The following BMF variants were observed in gnomAD, a reference collection of about 807,000 sequenced individuals.
BMF encodes the protein Bcl2 modifying factor, also known as bcl-2-modifying factor.
A neutral mutation model predicts 22.0 loss-of-function variants in BMF; 10 were observed. The observed-to-expected ratio is 0.45, with a 90% confidence interval of 0.28 to 0.77. The LOEUF (loss-of-function observed/expected upper bound fraction) is 0.77, where lower values mean the gene tolerates loss of function less well. BMF is among the 30% of genes least tolerant of loss of function. The pLI, the probability that BMF is intolerant of heterozygous loss-of-function variation, is 0.13. For synonymous variants in BMF, 87 were observed against 88.1 expected, an observed-to-expected ratio of 0.99 and a Z score of 0.07; for missense variants, 206 against 226.8, an observed-to-expected ratio of 0.91 and a Z score of 0.59.
chr15:40,093,279 C>CCGT (rs2036283772), intron 4 of BMF, among the ~76,000 whole-genome samples: 1 of 151,962 alleles, frequency 6.6e-6, no homozygotes, highest in South Asian at 2.1e-4. Flanking sequence ...ACGGAATGCC[C>CCGT]CCGTCCATCA....
intron 4 of BMF, among the ~76,000 whole-genome samples, chr15:40,099,594 C>T (rs1298430216): frequency 6.6e-6 from 1 of 152,080 alleles, no homozygotes; most frequent in Non-Finnish European, 1.5e-5. Context: ...GCCTGACCGA[C>T]ATGGAGAAAC....
At position 40,091,826 on chromosome 15, in the gene BMF, C is replaced by G. The variant is rs1196919989; in HGVS notation, c.516G>C (p.Leu172Phe). The G allele has an allele frequency of 6.2e-7, 1 of 1,611,502 alleles. No homozygotes were observed. ...QILLFLHNLA[L>F]NGEENRNGAG... The stretch of plus-strand genomic sequence containing the variant: ...CCCCGTTCCTGTTCTCTTCTCCATT[C>G]AAAGCAAGGTTGTGCAGGAAGAGGA... Residue 172 changes from leucine to phenylalanine, a missense_variant, in exon 5 of 5, where the codon TTG becomes TTC. Leu to Phe is a conservative substitution (Grantham distance 22). Transcript: ENST00000354670.
chr15:40,096,026 C>G (rs895440971), intron 4 of BMF, among the ~76,000 whole-genome samples: 62 of 152,280 alleles, frequency 4.1e-4, no homozygotes, highest in African/African-American at 1.5e-3. Context: ...ACAGAGGAGT[C>G]AGCCCTGAAA....
intron 4 of BMF, among the ~76,000 whole-genome samples, chr15:40,101,142 A>G (rs1296683972): frequency 6.6e-6 from 1 of 152,148 alleles, no homozygotes; most frequent in Admixed American, 6.5e-5. Context: ...CCTCTGGACC[A>G]GGCAGGTGGA....
rs1595470280 is a variant in BMF, at chr15:40,091,520, C to T, written c.*267G>A. 1.1e-5 allele frequency: 4 copies of T among 370,946 alleles called. No individual in the cohort carries two copies. In the East Asian group the frequency reaches 1.7e-4, roughly 15 times the overall value. 23.0% of individuals were successfully genotyped at this position (370,946 alleles called of 1,614,324 possible). A position where few individuals can be genotyped will look rare whatever the true frequency, so the allele number is the denominator to read the frequency against. On this transcript the variant is annotated 3_prime_UTR_variant, in exon 5 of 5. Coordinates refer to ENST00000354670, the MANE Select transcript of BMF (RefSeq NM_001003940.2). ...CAGTCGAAGAATCTACTTGTCAGAG[C>T]CCTTGGGAATTCTCACCATCACAGA...
rs532306180 is a variant in BMF at position 40,089,191 on chromosome 15, G to A, written c.*2596C>T. 1 of 152,434 alleles carries A rather than the reference G, an allele frequency of 6.6e-6. No homozygotes were observed. The highest frequency in any genetic ancestry group is 2.4e-5 in the African/African-American group (1 of 41,522). 9.4% of individuals were successfully genotyped at this position (152,434 alleles called of 1,614,324 possible). A position where few individuals can be genotyped will look rare whatever the true frequency, so the allele number is the denominator to read the frequency against. The stretch of plus-strand genomic sequence containing the variant: ...AGCCAGGCTCCTGGGGGTGGGGGAT[G>A]GAGTCTGAGGGGGTGGAGGTCGGGG... On this transcript the variant is annotated 3_prime_UTR_variant, in exon 5 of 5. Coordinates refer to ENST00000354670, the MANE Select transcript of BMF (RefSeq NM_001003940.2).
intron 4 of BMF, among the ~76,000 whole-genome samples, chr15:40,097,200 TGAGCTACC>T (rs1567032789): frequency 1.3e-4 from 19 of 150,386 alleles, no homozygotes; most frequent in Non-Finnish European, 1.8e-4. Flanking sequence ...AGCACCCAAC[TGAGCTACC>T]AAGCACCCAA....
In BMF at chr15:40,104,197, G is replaced by C. The variant is rs375576342; in HGVS notation, c.436C>G (p.Arg146Gly). 5 of 1,614,048 alleles carry C rather than the reference G, an allele frequency of 3.1e-6. No homozygotes were observed. The African/African-American group carries it at 6.7e-5, about 22-fold the overall frequency. ...GTGCCTACTTGCTGCACATGAAGCC[G>C]GTGGAACTGGTCTGCAATGCACTGA... The part of the protein sequence containing the change: ...KLQCIADQFH[R>G]LHVQQHQQNQ... Residue 146 changes from arginine to glycine, a missense_variant, in exon 4 of 5, where the codon CGG becomes GGG. Transcript: ENST00000354670.
In BMF at chr15:40,105,797, TAA is replaced by T; in HGVS notation, c.288_289del (p.Phe96LeufsTer88). On this transcript the variant is annotated frameshift_variant, in exon 3 of 5. Coordinates refer to ENST00000354670, the MANE Select transcript of BMF (RefSeq NM_001003940.2). LOFTEE classifies it high-confidence loss of function. ...GTCTTGAGGCTGAGAGCACTCACCA[TAA>T]AAGAGTCGCTGGGGTTCCTCAGTCA... 1.2e-6 allele frequency: 2 copies of T among 1,604,710 alleles called. No individual in the cohort carries two copies. Among genetic ancestry groups the T allele is most frequent in the Non-Finnish European group, 8.5e-7 (1 of 1,174,938 alleles).
intron 4 of BMF, among the ~76,000 whole-genome samples, chr15:40,095,849 G>A (rs2036348209): frequency 6.6e-6 from 1 of 152,194 alleles, no homozygotes; most frequent in South Asian, 2.1e-4. Flanking sequence ...CTTTGGCCCA[G>A]CCTCATTTTC....
At chr15:40,094,403 A>T (rs2934775) in intron 4 of BMF, among the ~76,000 whole-genome samples, 152,074 of 152,278 alleles carry the variant, frequency 1, 75,935 homozygotes, top group Non-Finnish European at 1. Context: ...TTGGGAAGGA[A>T]CTAGTTTCCA....
rs1450552454 is a variant in BMF, at chr15:40,088,588, C to T, written c.*3199G>A. 1 of 152,346 alleles carries T rather than the reference C, an allele frequency of 6.6e-6. No homozygotes were observed. Among genetic ancestry groups the T allele is most frequent in the Admixed American group, 6.5e-5 (1 of 15,288 alleles). 9.4% of individuals were successfully genotyped at this position (152,346 alleles called of 1,614,324 possible). A position where few individuals can be genotyped will look rare whatever the true frequency, so the allele number is the denominator to read the frequency against. On this transcript the variant is annotated 3_prime_UTR_variant, in exon 5 of 5. Transcript: ENST00000354670. ...CAGGACAGTCACCGTGGCTCCACAG[C>T]ACTCTTCCTGGGAGGCCCTGGCTGA...
chr15:40,102,986 G>T (rs568003415), intron 4 of BMF, among the ~76,000 whole-genome samples: 81 of 152,290 alleles, frequency 5.3e-4, no homozygotes, highest in African/African-American at 1.9e-3. Flanking sequence ...GCCCCAAACT[G>T]TCCTTAGAAC....
At chr15:40,092,806 G>T (rs997284628) in intron 4 of BMF, among the ~76,000 whole-genome samples, 1 of 151,992 alleles carries the variant, frequency 6.6e-6, no homozygotes, top group Non-Finnish European at 1.5e-5. Context: ...AAACTGGGGG[G>T]TGCTGGAAGA....
intron 3 of BMF, 73 bp from the exon 4 acceptor site, chr15:40,104,413 G>A: frequency 1.3e-6 from 2 of 1,566,308 alleles, no homozygotes; most frequent in East Asian, 2.2e-5. Context: ...GCCTGACCTG[G>A]CCAAGATTGG....
chr15:40,100,756 T>A (rs1179277690), intron 4 of BMF, among the ~76,000 whole-genome samples: 1 of 152,146 alleles, frequency 6.6e-6, no homozygotes, highest in Non-Finnish European at 1.5e-5. Flanking sequence ...TTGGAACCTG[T>A]TGCATCTGGA....
In BMF at chr15:40,091,726, C is replaced by T. The variant is rs1159271418; in HGVS notation, c.*61G>A. The T allele has an allele frequency of 3.3e-5, 41 of 1,233,702 alleles. No homozygotes were observed. Among genetic ancestry groups the T allele is most frequent in the Admixed American group, 1.9e-4 (9 of 46,678 alleles). The allele number at this position is 1,233,702 out of a possible 1,614,324, so 76.4% of individuals were successfully genotyped here. A position where few individuals can be genotyped will look rare whatever the true frequency, so the allele number is the denominator to read the frequency against. Reference sequence around the variant, plus strand: ...CACAAGACACAGTGTCAGTCCTGCCCGATGTCCTTCCTGTTCCAGACGGTG... The same window carrying T: ...CACAAGACACAGTGTCAGTCCTGCCTGATGTCCTTCCTGTTCCAGACGGTG... On this transcript the variant is annotated 3_prime_UTR_variant, in exon 5 of 5. Coordinates refer to ENST00000354670, the MANE Select transcript of BMF (RefSeq NM_001003940.2).
chr15:40,099,539 G>C (rs948712630), intron 4 of BMF, among the ~76,000 whole-genome samples: 2 of 152,152 alleles, frequency 1.3e-5, no homozygotes, highest in Non-Finnish European at 2.9e-5. Flanking sequence ...AGCACTTTGG[G>C]AGGCCGAGAT....
chr15:40,106,231 G>C lies in BMF; in HGVS notation c.-5-140C>G. On this transcript the variant is annotated intron_variant, in intron 2 of 4. Coordinates refer to ENST00000354670, the MANE Select transcript of BMF (RefSeq NM_001003940.2). The surrounding 1 kb of genome is among the most constrained non-coding windows in gnomAD (Gnocchi z 4.1). ...CACATACTGATGACATACAACCCTG[G>C]TAATAAAGCACTGCTAAGGGTGACA... 4 of 946,296 alleles carry C rather than the reference G, an allele frequency of 4.2e-6. No individual in the cohort carries two copies. Among genetic ancestry groups the C allele is most frequent in the Non-Finnish European group, 4.6e-6 (3 of 658,366 alleles). 58.6% of individuals were successfully genotyped at this position (946,296 alleles called of 1,614,324 possible).
Sources: gnomAD v4.1 joint callset for allele counts (sites outside exome capture counted in the v4.1 genomes callset) on GRCh38, gnomAD v4.1.1 for gene constraint, Gnocchi (gnomAD v3.1) non-coding constraint, MANE v1.5 for transcripts, NCBI Gene and HGNC (gene_info 2026-07-23, HGNC 2026-07-21) for gene names.